MAP3K21: variants seen among roughly 807,000 people sequenced by gnomAD.
MAP3K21 encodes the protein mitogen-activated protein kinase kinase kinase MLK4.
Under a neutral mutation model 86.1 loss-of-function variants are expected in MAP3K21, and 63 were observed. The ratio of observed to expected loss-of-function variants is 0.73; its 90% CI spans 0.60 to 0.90. The LOEUF (loss-of-function observed/expected upper bound fraction) is 0.90. Among genes scored for constraint, MAP3K21 ranks in the 40% least tolerant of loss-of-function variants. The pLI, the probability that MAP3K21 is intolerant of heterozygous loss-of-function variation, is 0.00. For missense variants in MAP3K21, 1,220 were observed against 1,367.7 expected (o/e 0.89, Z 1.70); for synonymous variants, 558 against 564.8 (o/e 0.99, Z 0.17).
At position 233,351,235 on chromosome 1, in the gene MAP3K21, G is replaced by A. The variant is rs114169727; in HGVS notation, c.987-2572G>A. On this transcript the variant is annotated intron_variant, in intron 2 of 9. Transcript: ENST00000366624. ...TATCAAAAGGAAACACATAAGCTTT[G>A]GAAAATAATGATTTTAACTTTAGCT... 4.0e-3 allele frequency among the ~76,000 whole-genome samples: 601 copies of A among 152,064 alleles called. 6 individuals carry two copies. The highest frequency in any genetic ancestry group is 0.037 in the Middle Eastern group (11 of 294).
intron 9 of MAP3K21, 151 bp downstream of exon 9, chr1:233,379,861 C>A: frequency 1.6e-6 from 1 of 643,902 alleles, no homozygotes; most frequent in South Asian, 2.2e-5. Context: ...TTACCCTTCT[C>A]TTATTTGATT....
intron 5 of MAP3K21, among the ~76,000 whole-genome samples, chr1:233,367,567 T>A (rs1663601733): frequency 6.6e-6 from 1 of 152,160 alleles, no homozygotes; most frequent in Non-Finnish European, 1.5e-5. Context: ...ATGTTTACGA[T>A]AAAGAATGTT....
intron 2 of MAP3K21, 68 bp downstream of exon 2, chr1:233,346,690 G>A (rs1663147991): frequency 7.4e-7 from 1 of 1,360,186 alleles, no homozygotes; most frequent in Non-Finnish European, 1.0e-6. Flanking sequence ...AAGTCCCAAA[G>A]TATTCAGTAA....
In MAP3K21 at chr1:233,362,381, T is replaced by G. The variant is rs1663481554; in HGVS notation, c.1552+88T>G. 2.1e-6 allele frequency: 3 copies of G among 1,427,428 alleles called. No homozygotes were observed. The African/African-American group carries it at 4.2e-5, about 20-fold the overall frequency. 88.4% of individuals were successfully genotyped at this position (1,427,428 alleles called of 1,614,324 possible). On this transcript the variant is annotated intron_variant, in intron 5 of 9. Coordinates refer to ENST00000366624, the MANE Select transcript of MAP3K21 (RefSeq NM_032435.3). ...TTGTTCATCAGAACCAGGAAAGAGA[T>G]AGGGAAGTAACTTTGTAAAACAGTG...
intron 2 of MAP3K21, among the ~76,000 whole-genome samples, chr1:233,350,602 T>A (rs938686087): frequency 2.0e-5 from 3 of 152,224 alleles, no homozygotes; most frequent in African/African-American, 7.2e-5. Context: ...CCTCCCTTCC[T>A]TCTAACAGTT....
chr1:233,360,363 G>A (rs1049272611), intron 4 of MAP3K21, among the ~76,000 whole-genome samples: 1 of 152,028 alleles, frequency 6.6e-6, no homozygotes, highest in Admixed American at 6.5e-5. Context: ...CTGACACGGT[G>A]TAATGAAGAA....
At chr1:233,356,716 C>T (rs1663364878) in intron 4 of MAP3K21, among the ~76,000 whole-genome samples, 2 of 152,316 alleles carry the variant, frequency 1.3e-5, no homozygotes, top group Non-Finnish European at 2.9e-5. Context: ...GGAACAGATG[C>T]CTAACCTATT....
chr1:233,334,127 A>T (rs1219649805), intron 1 of MAP3K21, among the ~76,000 whole-genome samples: 3 of 149,546 alleles, frequency 2.0e-5, no homozygotes, highest in Non-Finnish European at 4.4e-5. Flanking sequence ...GGCCGCCCAA[A>T]GTACTGGGAT....
chr1:233,347,216 C>T (rs1014015623), intron 2 of MAP3K21, among the ~76,000 whole-genome samples: 4 of 152,132 alleles, frequency 2.6e-5, no homozygotes, highest in Non-Finnish European at 4.4e-5. Flanking sequence ...TTTTAACAAA[C>T]TTTTGATTCC....
chr1:233,380,316 TCA>T (rs1227800011), intron 9 of MAP3K21, among the ~76,000 whole-genome samples: 2 of 152,220 alleles, frequency 1.3e-5, no homozygotes, highest in Non-Finnish European at 2.9e-5. Flanking sequence ...CCCTGTGTTC[TCA>T]CACAGTCTTC....
At chr1:233,381,980 T>G (rs147926811) in intron 9 of MAP3K21, among the ~76,000 whole-genome samples, 3 of 152,302 alleles carry the variant, frequency 2.0e-5, no homozygotes, top group Non-Finnish European at 4.4e-5. Flanking sequence ...CTAAGCACTG[T>G]GAGGATTATT....
chr1:233,344,446 T>A (rs1368792304), intron 1 of MAP3K21, among the ~76,000 whole-genome samples: 1 of 152,174 alleles, frequency 6.6e-6, no homozygotes, highest in African/African-American at 2.4e-5. Flanking sequence ...AACCATCTGA[T>A]CTTTGACAAA....
Position 233,354,885 on chromosome 1 carries a change from C to T in MAP3K21, c.1185C>T (p.Leu395=), listed in dbSNP as rs750139290. 3.8e-5 allele frequency: 62 copies of T among 1,613,880 alleles called. No individual in the cohort carries two copies. The highest frequency in any genetic ancestry group is 2.2e-5 in the East Asian group (1 of 44,884). Residue 395 remains leucine, a synonymous_variant, in exon 4 of 10, where the codon CTC becomes CTT. Coordinates refer to ENST00000366624, the MANE Select transcript of MAP3K21 (RefSeq NM_032435.3). ...PHIRPSFALI[L]EQLTAIEGAV... ...TTCGTCCATCGTTTGCCTTAATTCT[C>T]GAACAGTTGACTGCTATTGAAGGGG...
At chr1:233,345,541 T>C (rs1663119390) in intron 1 of MAP3K21, among the ~76,000 whole-genome samples, 1 of 149,094 alleles carries the variant, frequency 6.7e-6, no homozygotes, top group African/African-American at 2.5e-5. Context: ...ATGAGAACAT[T>C]TGGACACAGG....
chr1:233,373,875 G>T (rs1008018516), intron 6 of MAP3K21: 3 of 152,256 alleles, frequency 2.0e-5, no homozygotes, highest in Admixed American at 1.3e-4. Context: ...AATCAATGTG[G>T]AAACAAAAGA....
intron 4 of MAP3K21, among the ~76,000 whole-genome samples, chr1:233,355,323 T>C (rs1055477683): frequency 6.6e-6 from 1 of 152,190 alleles, no homozygotes; most frequent in Non-Finnish European, 1.5e-5. Flanking sequence ...ATTTTATTTG[T>C]CTCCCTTCCC....
intron 1 of MAP3K21, among the ~76,000 whole-genome samples, chr1:233,342,524 C>T (rs1386940503): frequency 2.6e-5 from 4 of 152,132 alleles, no homozygotes; most frequent in African/African-American, 2.4e-5. Context: ...ATGGAGGATT[C>T]GCAGAATGCT....
At chr1:233,381,870 G>A (rs189287496) in intron 9 of MAP3K21, among the ~76,000 whole-genome samples, 7 of 152,250 alleles carry the variant, frequency 4.6e-5, no homozygotes, top group Admixed American at 4.6e-4. Flanking sequence ...GTTTAATCAT[G>A]TTGACCATCA....
At chr1:233,356,733 T>C (rs1663365277) in intron 4 of MAP3K21, among the ~76,000 whole-genome samples, 1 of 152,230 alleles carries the variant, frequency 6.6e-6, no homozygotes. Context: ...TATTGTATTC[T>C]TACGCAATGC....
Sources: gnomAD v4.1 joint callset for allele counts (sites outside exome capture counted in the v4.1 genomes callset) on GRCh38, gnomAD v4.1.1 for gene constraint, MANE v1.5 for transcripts, NCBI Gene and HGNC (gene_info 2026-07-23, HGNC 2026-07-21) for gene names.